The following FMN2 variants were observed in gnomAD, a reference collection of about 807,000 sequenced individuals.
The protein encoded by FMN2 is formin-2.
In FMN2, 51 loss-of-function variants were observed where a neutral mutation model predicts 142.3. That is an observed-to-expected ratio of 0.36 (90% CI 0.29 to 0.45). The LOEUF (loss-of-function observed/expected upper bound fraction) is 0.45, where lower values mean the gene tolerates loss of function less well. Ranked by LOEUF, FMN2 falls within the 20% of genes least tolerant of loss-of-function variation. The probability of loss-of-function intolerance (pLI) is 1.00; values close to 1 mark genes in which losing one functional copy is unlikely to be tolerated. For synonymous variants in FMN2, 882 were observed against 869.8 expected (o/e 1.01, Z -0.25); for missense variants, 1,936 against 2,122.8 (o/e 0.91, Z 1.73).
intron 6 of FMN2, among the ~76,000 whole-genome samples, chr1:240,214,359 G>A (rs937098997): frequency 2.0e-5 from 3 of 151,728 alleles, no homozygotes; most frequent in African/African-American, 7.3e-5. Flanking sequence ...AGACCATCCT[G>A]GCTAACATGT....
In FMN2 at chr1:240,092,132, T is replaced by A. The variant is rs750871790; in HGVS notation, c.23T>A (p.Leu8Gln). The A allele has an allele frequency of 3.9e-6, 6 of 1,558,038 alleles. No individual in the cohort carries two copies. In the Admixed American group the frequency reaches 1.2e-4, roughly 30 times the overall value. The change falls in exon 1 of 18, where the codon CTG becomes CAG. Residue 8 changes from leucine to glutamine, a missense_variant. Around this residue, in one of 8 missense-constraint regions of FMN2, gnomAD observed 751 missense variants for 791.8 expected, o/e 0.95. Coordinates refer to ENST00000319653, the MANE Select transcript of FMN2 (RefSeq NM_020066.5). ...ACCATGGGGAACCAGGATGGGAAGC[T>A]GAAGAGGAGCGCAGGTGATGCTTTG... is the stretch of plus-strand genomic sequence containing the variant. MGNQDGK[L>Q]KRSAGDALHE...
Position 240,207,353 on chromosome 1 carries a change from T to G in FMN2, c.2541T>G (p.Ser847=). The G allele has an allele frequency of 6.2e-7, 1 of 1,613,772 alleles. No individual in the cohort carries two copies. The highest frequency in any genetic ancestry group is 1.3e-5 in the African/African-American group (1 of 74,944). The change falls in exon 5 of 18, where the codon TCT becomes TCG. Residue 847 remains serine, a synonymous_variant. Coordinates refer to ENST00000319653, the MANE Select transcript of FMN2 (RefSeq NM_020066.5). ...CCAGCCACGAACACTCTGTTTCCTC[T>G]GCCTTTAAAAACAGCTGTAACATCC... The part of the protein sequence containing the change: ...FQTSHEHSVS[S]AFKNSCNIPS...
At chr1:240,218,444 A>G (rs764027270) in intron 6 of FMN2, among the ~76,000 whole-genome samples, 1 of 152,096 alleles carries the variant, frequency 6.6e-6, no homozygotes, top group Non-Finnish European at 1.5e-5. Context: ...ACGCAGTGGC[A>G]TGTACCTGTA....
At chr1:240,210,534 A>G (rs914440570) in intron 5 of FMN2, among the ~76,000 whole-genome samples, 5 of 152,076 alleles carry the variant, frequency 3.3e-5, no homozygotes, top group African/African-American at 1.2e-4. Context: ...CCCCAAAGTC[A>G]TTTTCTCTAG....
chr1:240,356,387 A>T (rs1672273336), intron 14 of FMN2, among the ~76,000 whole-genome samples: 1 of 152,100 alleles, frequency 6.6e-6, no homozygotes, highest in African/African-American at 2.4e-5. Flanking sequence ...TTTTAATGGG[A>T]TACGCCAATA....
chr1:240,450,949 G>C (rs993501650), intron 16 of FMN2, among the ~76,000 whole-genome samples: 1 of 152,194 alleles, frequency 6.6e-6, no homozygotes, highest in African/African-American at 2.4e-5. Context: ...TGAAATGAAG[G>C]TTAACAGGAC....
intron 13 of FMN2, among the ~76,000 whole-genome samples, chr1:240,353,301 G>A (rs1019727634): frequency 1.3e-5 from 2 of 152,156 alleles, no homozygotes; most frequent in Admixed American, 6.6e-5. Flanking sequence ...TCACACTAAC[G>A]TTAGAGAATT....
At chr1:240,434,507 A>G (rs1255556225) in intron 15 of FMN2, among the ~76,000 whole-genome samples, 1 of 151,004 alleles carries the variant, frequency 6.6e-6, no homozygotes, top group East Asian at 2.0e-4. Context: ...TGTAGAAATT[A>G]TTGTCCTGTT....
chr1:240,455,279 C>A (rs1478830027), intron 16 of FMN2, among the ~76,000 whole-genome samples: 1 of 66,248 alleles, frequency 1.5e-5, no homozygotes, highest in South Asian at 4.1e-4. Flanking sequence ...CTCACCGGGG[C>A]AGGAGGGTTA....
At chr1:240,257,904 T>C in intron 6 of FMN2, 41 bp from the exon 7 acceptor site, 1 of 1,554,912 alleles carries the variant, frequency 6.4e-7, no homozygotes, top group South Asian at 1.1e-5. Context: ...ATATTGGAGT[T>C]CAAATTAACA....
At chr1:240,230,506 GAGGTGTGTATTAGT>G (rs1237372728) in intron 6 of FMN2, among the ~76,000 whole-genome samples, 1 of 131,888 alleles carries the variant, frequency 7.6e-6, no homozygotes, top group Non-Finnish European at 1.6e-5. Flanking sequence ...ATTTTGTTTT[GAGGTGTGTATTAGT>G]AGGAATGTAG....
chr1:240,407,729 A>G (rs1674259194), intron 15 of FMN2, among the ~76,000 whole-genome samples: 1 of 152,176 alleles, frequency 6.6e-6, no homozygotes, highest in African/African-American at 2.4e-5. Flanking sequence ...TCAAAGGTCC[A>G]AGGTTTTCCA....
chr1:240,332,583 A>G (rs12061227), intron 11 of FMN2, among the ~76,000 whole-genome samples: 4,783 of 152,258 alleles, frequency 0.031, 262 homozygotes, highest in African/African-American at 0.11. Context: ...CAGTTTATAT[A>G]TCTTATTCAA....
At chr1:240,421,695 A>G (rs1488049877) in intron 15 of FMN2, among the ~76,000 whole-genome samples, 2 of 152,088 alleles carry the variant, frequency 1.3e-5, no homozygotes, top group Non-Finnish European at 2.9e-5. Flanking sequence ...ATAATTTTCA[A>G]GTTTATTTCC....
intron 1 of FMN2, among the ~76,000 whole-genome samples, chr1:240,105,253 C>T (rs1490768334): frequency 2.0e-5 from 3 of 151,596 alleles, no homozygotes; most frequent in South Asian, 2.1e-4. Context: ...GGATTACAGG[C>T]GCCCACCACC....
At chr1:240,130,463 C>T (rs367636728) in intron 2 of FMN2, among the ~76,000 whole-genome samples, 38 of 152,068 alleles carry the variant, frequency 2.5e-4, no homozygotes, top group African/African-American at 6.5e-4. Context: ...CTACCACGCC[C>T]GGCTAATTTT....
chr1:240,436,061 A>T (rs1408748796), intron 15 of FMN2, among the ~76,000 whole-genome samples: 1 of 152,140 alleles, frequency 6.6e-6, no homozygotes, highest in Non-Finnish European at 1.5e-5. Context: ...ATAAAATATG[A>T]CCCAGATATG....
At chr1:240,394,883 G>A (rs180900628) in intron 15 of FMN2, among the ~76,000 whole-genome samples, 2 of 152,250 alleles carry the variant, frequency 1.3e-5, no homozygotes, top group African/African-American at 4.8e-5. Flanking sequence ...CAGGAGAATC[G>A]CTTGAACCCA....
At chr1:240,427,841 A>G (rs1208719015) in intron 15 of FMN2, among the ~76,000 whole-genome samples, 1 of 152,216 alleles carries the variant, frequency 6.6e-6, no homozygotes, top group African/African-American at 2.4e-5. Flanking sequence ...TTCTACCAAG[A>G]GGAAGCCTGA....
Sources: allele counts gnomAD v4.1 joint callset (sites outside exome capture counted in the v4.1 genomes callset), GRCh38; gene constraint gnomAD v4.1.1; regional missense constraint gnomAD v4.1.1; transcripts MANE v1.5; gene names NCBI Gene and HGNC (gene_info 2026-07-23, HGNC 2026-07-21).